EXOSC10: variants seen among roughly 807,000 people sequenced by gnomAD.
The protein encoded by EXOSC10 is exosome component 10, also known as exosome complex component 10.
EXOSC10 carries 94 observed loss-of-function variants against 126.6 expected under a neutral mutation model. That is an observed-to-expected ratio of 0.74 (90% CI 0.63 to 0.88). The LOEUF is 0.88. Among genes scored for constraint, EXOSC10 ranks in the 40% least tolerant of loss-of-function variants. The probability of loss-of-function intolerance (pLI) is 0.00; values close to 1 mark genes in which losing one functional copy is unlikely to be tolerated. For missense variants in EXOSC10, 1,041 were observed against 1,100.5 expected (o/e 0.95, Z 0.77); for synonymous variants, 395 against 400.8 (o/e 0.99, Z 0.17).
At chr1:11,099,699 C>A in intron 1 of EXOSC10, 22 bp downstream of exon 1, 1 of 1,585,574 alleles carries the variant, frequency 6.3e-7, no homozygotes, top group Non-Finnish European at 8.6e-7. Context: ...CTCCTGGTAC[C>A]CCCGAGGCCC....
At chr1:11,085,529 A>T (rs1382431075) in intron 9 of EXOSC10, among the ~76,000 whole-genome samples, 2 of 152,256 alleles carry the variant, frequency 1.3e-5, no homozygotes, top group East Asian at 1.9e-4. Context: ...GGCTGAGACA[A>T]TGGGGTTTTC....
At chr1:11,070,534 A>C (rs1639415698) in intron 21 of EXOSC10, 1 of 157,310 alleles carries the variant, frequency 6.4e-6, no homozygotes, top group South Asian at 1.9e-4. Flanking sequence ...AAAAAAAAAA[A>C]AAAAAAAAAG....
Position 11,091,075 on chromosome 1 carries a change from G to A in EXOSC10, c.582C>T (p.Ser194=). The A allele has an allele frequency of 6.2e-7, 1 of 1,614,146 alleles. No individual in the cohort carries two copies. The highest frequency in any genetic ancestry group is 8.5e-7 in the Non-Finnish European group (1 of 1,180,022). The change falls in exon 5 of 25, where the codon TCC becomes TCT. Residue 194 remains serine (S), a synonymous_variant. Transcript: ENST00000376936. ...QLKFREKIDN[S]NTPFLPKIFI... The stretch of plus-strand genomic sequence containing the variant: ...AGATTTTAGGAAGAAATGGTGTGTT[G>A]GAATTGTCAATCTTCTCTCGAAACT...
intron 17 of EXOSC10, 21 bp from the exon 18 acceptor site, chr1:11,074,347 C>A (rs568591106): frequency 1.3e-6 from 2 of 1,530,586 alleles, no homozygotes; most frequent in East Asian, 2.2e-5. Flanking sequence ...AGACAAAAAA[C>A]GATCACTAAT....
chr1:11,084,878 TA>T (rs1205903955), intron 9 of EXOSC10, among the ~76,000 whole-genome samples: 2 of 152,238 alleles, frequency 1.3e-5, no homozygotes, highest in Non-Finnish European at 2.9e-5. Flanking sequence ...ATTTATTAAA[TA>T]GGGAATCCTT....
At chr1:11,078,236 G>C (rs1410055810) in intron 14 of EXOSC10, among the ~76,000 whole-genome samples, 6 of 152,030 alleles carry the variant, frequency 3.9e-5, no homozygotes, top group Non-Finnish European at 5.9e-5. Context: ...CTGCACTCCA[G>C]CCTGGGTGTC....
chr1:11,074,371 T>C (rs371994378), intron 17 of EXOSC10, 45 bp from the exon 18 acceptor site: 56 of 1,350,870 alleles, frequency 4.1e-5, no homozygotes, highest in Non-Finnish European at 5.4e-5. Flanking sequence ...CATGATCATC[T>C]GTGACATCAA....
At chr1:11,071,362 G>C (rs1411979785) in intron 20 of EXOSC10, 1 of 227,852 alleles carries the variant, frequency 4.4e-6, no homozygotes, top group Non-Finnish European at 8.6e-6. Flanking sequence ...CTTCATCCAA[G>C]GTTCCCTTCC....
In EXOSC10 at chr1:11,081,864, C is replaced by T. The variant is rs553872616; in HGVS notation, c.1281-626G>A. 4.7e-3 allele frequency among the ~76,000 whole-genome samples: 722 copies of T among 152,142 alleles called. 3 individuals carry two copies. The highest frequency in any genetic ancestry group is 8.5e-3 in the Non-Finnish European group (581 of 68,002). ...TTGGGAGGCGGAGGCGGGAGGATCA[C>T]CTGAGGTCAGGAGTTTGAGACCAGT... On this transcript the variant is annotated intron_variant, in intron 10 of 24. Transcript: ENST00000376936.
chr1:11,095,988 CT>C (rs374028571), intron 2 of EXOSC10, 107 bp from the exon 3 acceptor site: 164,421 of 869,346 alleles, frequency 0.19, no homozygotes, highest in South Asian at 0.23. Context: ...CCCAACACAT[CT>C]TTTTTTTTTT....
intron 2 of EXOSC10, among the ~76,000 whole-genome samples, chr1:11,097,293 G>A (rs1021792930): frequency 2.0e-5 from 3 of 151,808 alleles, no homozygotes; most frequent in Non-Finnish European, 2.9e-5. Context: ...CAGGAGAATC[G>A]CTTGAACCTG....
At position 11,098,174 on chromosome 1, in the gene EXOSC10, A is replaced by G. The variant is rs1303249170; in HGVS notation, c.112-18T>C. On this transcript the variant is annotated intron_variant, in intron 1 of 24. Transcript: ENST00000376936. ...AGAGCAAACTGTCAAAAACAAGAAA[A>G]GATGGCATGTTTACACAGGGATCCC... The G allele has an allele frequency of 1.3e-6, 2 of 1,589,618 alleles. No individual in the cohort carries two copies. The highest frequency in any genetic ancestry group is 2.3e-5 in the East Asian group (1 of 44,086).
intron 19 of EXOSC10, among the ~76,000 whole-genome samples, chr1:11,073,383 C>T (rs143781748): frequency 0.02 from 2,995 of 152,152 alleles, 63 homozygotes; most frequent in East Asian, 0.056. Flanking sequence ...CCGCCCGCCT[C>T]GGCCTCTCAA....
At chr1:11,095,143 T>C (rs990676359) in intron 3 of EXOSC10, among the ~76,000 whole-genome samples, 7 of 140,678 alleles carry the variant, frequency 5.0e-5, no homozygotes, top group African/African-American at 1.9e-4. Flanking sequence ...ACCTGGGAGG[T>C]GGAGGTTGCA....
rs147771843 is a variant in EXOSC10 at position 11,073,981 on chromosome 1, G to A, written c.2110C>T (p.Pro704Ser). The A allele has an allele frequency of 3.5e-5, 57 of 1,613,850 alleles. No individual in the cohort carries two copies. The highest frequency in any genetic ancestry group is 4.3e-5 in the Non-Finnish European group (51 of 1,179,998). The change falls in exon 19 of 25, where the codon CCC becomes TCC. Residue 704 changes from proline to serine, a missense_variant. Pro to Ser is a moderately conservative substitution (Grantham distance 74, BLOSUM62 -1). Coordinates refer to ENST00000376936, the MANE Select transcript of EXOSC10 (RefSeq NM_001001998.3). ...MFLPSLGHRA[P>S]VSQAAKFDPS... The stretch of plus-strand genomic sequence containing the variant: ...TCGAACTTCGCTGCCTGAGAGACGG[G>A]AGCACGGTGTCCCAGTGAGGGCAGA...
intron 1 of EXOSC10, 35 bp downstream of exon 1, chr1:11,099,686 C>A (rs771272527): frequency 1.9e-6 from 3 of 1,557,530 alleles, no homozygotes; most frequent in Non-Finnish European, 2.6e-6. Context: ...CGGCCGCGGG[C>A]GACTCCTGGT....
At chr1:11,076,241 A>G (rs1639809965) in intron 17 of EXOSC10, among the ~76,000 whole-genome samples, 1 of 151,884 alleles carries the variant, frequency 6.6e-6, no homozygotes, top group Non-Finnish European at 1.5e-5. Context: ...CCAGCTACTC[A>G]GGAGGCTGAG....
chr1:11,087,500 C>T lies in EXOSC10; in HGVS notation c.1037G>A (p.Arg346Gln), dbSNP rs550973348. ...EDFIIDTLEL[R>Q]SDMYILNESL... ...CTCATTGAGAATGTACATGTCACTT[C>T]GAAGCTCGAGGGTGTCAATGATGAA... Residue 346 changes from arginine to glutamine, a missense_variant, in exon 9 of 25, where the codon CGA (arginine) becomes CAA (glutamine). By Grantham distance (43) the Arg-to-Gln change is conservative. This residue lies in a region of EXOSC10 where 645 missense variants were observed against 656.3 expected (regional missense o/e 0.98). Coordinates refer to ENST00000376936, the MANE Select transcript of EXOSC10 (RefSeq NM_001001998.3). The T allele has an allele frequency of 3.7e-5, 60 of 1,614,014 alleles. No homozygotes were observed. Among genetic ancestry groups the T allele is most frequent in the Non-Finnish European group, 4.7e-5 (56 of 1,180,010 alleles).
intron 1 of EXOSC10, among the ~76,000 whole-genome samples, chr1:11,098,383 G>A (rs918458387): frequency 6.6e-6 from 1 of 152,254 alleles, no homozygotes; most frequent in African/African-American, 2.4e-5. Context: ...GAATACATAC[G>A]TATATAATCT....
Sources: gnomAD v4.1 joint callset for allele counts (sites outside exome capture counted in the v4.1 genomes callset) on GRCh38, gnomAD v4.1.1 for gene constraint, gnomAD v4.1.1 regional missense constraint, MANE v1.5 for transcripts, NCBI Gene and HGNC (gene_info 2026-07-23, HGNC 2026-07-21) for gene names.